LMF1: variants seen among roughly 807,000 people sequenced by gnomAD.
LMF1 encodes lipase maturation factor 1, also known as transmembrane protein 112.
LMF1 carries 68 observed loss-of-function variants against 60.6 expected under a neutral mutation model. The observed-to-expected ratio is 1.12, with a 90% CI of 0.92 to 1.37. The LOEUF (loss-of-function observed/expected upper bound fraction) is 1.37. Ranked by LOEUF, LMF1 falls within the 40% of genes most tolerant of loss-of-function variation. LMF1 has a pLI of 0.00. For synonymous variants in LMF1, 418 were observed against 324.7 expected (o/e 1.29, Z -3.09); for missense variants, 948 against 767.2 (o/e 1.24, Z -2.78).
At position 955,237 on chromosome 16, in the gene LMF1, ACG is replaced by A. The variant is rs2072658958; in HGVS notation, c.194-573_194-572del. Among the ~76,000 whole-genome samples the A allele has an allele frequency of 3.2e-5, 4 of 123,402 alleles. 2 individuals are homozygous for A. Among genetic ancestry groups the A allele is most frequent in the African/African-American group, 1.6e-4 (4 of 25,010 alleles). 81.0% of individuals were successfully genotyped at this position (123,402 alleles called of 152,430 possible). The stretch of plus-strand genomic sequence containing the variant: ...TACATAAAAGGCGTGCCTGCAGCAG[ACG>A]TGGTGTGTGCATACACACACACACA... On this transcript the variant is annotated intron_variant, in intron 1 of 10. Transcript: ENST00000262301.
intron 10 of LMF1, among the ~76,000 whole-genome samples, chr16:859,895 CGGG>C (rs2069397627): frequency 2.2e-5 from 3 of 135,600 alleles, no homozygotes; most frequent in Admixed American, 7.2e-5. Flanking sequence ...AGTGGTGTCT[CGGG>C]ATGGGTGTGC....
At chr16:956,559 A>G (rs889872729) in intron 1 of LMF1, among the ~76,000 whole-genome samples, 7 of 152,236 alleles carry the variant, frequency 4.6e-5, no homozygotes, top group Admixed American at 6.5e-5. Context: ...AAGTAGATTT[A>G]AGGGCTGGGC....
rs1258439503 is a variant in LMF1 at position 879,457 on chromosome 16, A to C, written c.897+113T>G. ...GGCTGGGGAGGACAGGCTGTCCCCA[A>C]GAAAGGGGGCCTGTAATGCCCCAGG... On this transcript the variant is annotated intron_variant, in intron 6 of 10. Coordinates refer to ENST00000262301, the MANE Select transcript of LMF1 (RefSeq NM_022773.4). 3.1e-6 allele frequency: 4 copies of C among 1,272,726 alleles called. No homozygotes were observed. In the African/African-American group the frequency reaches 6.0e-5, roughly 19 times the overall value. The allele number at this position is 1,272,726 out of a possible 1,614,324, so 78.8% of individuals were successfully genotyped here. A position where few individuals can be genotyped will look rare whatever the true frequency, so the allele number is the denominator to read the frequency against.
At chr16:856,599 C>A (rs1434325733) in intron 10 of LMF1, among the ~76,000 whole-genome samples, 1 of 152,204 alleles carries the variant, frequency 6.6e-6, no homozygotes, top group South Asian at 2.1e-4. Flanking sequence ...AGGGTCAAGG[C>A]CTAGGGGGCC....
upstream of LMF1, chr16:971,043 G>A (rs1330096810): frequency 8.7e-6 from 8 of 915,110 alleles, no homozygotes; most frequent in Non-Finnish European, 1.0e-5. Context: ...CATTCTCGGA[G>A]GCCCCGCCTC....
chr16:873,918 A>C (rs756791384), intron 6 of LMF1: 4 of 152,388 alleles, frequency 2.6e-5, no homozygotes, highest in Admixed American at 6.5e-5. Flanking sequence ...GGACAGACCC[A>C]GGGTCATGGT....
chr16:869,127 G>T, intron 9 of LMF1, 71 bp from the exon 10 acceptor site: 1 of 1,010,274 alleles, frequency 9.9e-7, no homozygotes, highest in Non-Finnish European at 1.6e-6. Context: ...CGGACGCTCG[G>T]CTGTGCCCTC....
rs377326203 is a variant in LMF1 at position 955,150 on chromosome 16, C to T, written c.194-484G>A. On this transcript the variant is annotated intron_variant, in intron 1 of 10. Transcript: ENST00000262301. Reference sequence around the variant, plus strand: ...TAAACTAGACAAGTTACATAAAATGCGTGCCTGCAGCAGACGCAGTGTGTG... The same window carrying T: ...TAAACTAGACAAGTTACATAAAATGTGTGCCTGCAGCAGACGCAGTGTGTG... Among the ~76,000 whole-genome samples, 4 of 105,692 alleles carry T rather than the reference C, an allele frequency of 3.8e-5. 1 individual carries two copies. Among genetic ancestry groups the T allele is most frequent in the Non-Finnish European group, 5.6e-5 (3 of 53,744 alleles). The allele number at this position is 105,692 out of a possible 152,430, so 69.3% of individuals were successfully genotyped here. A position where few individuals can be genotyped will look rare whatever the true frequency, so the allele number is the denominator to read the frequency against.
At chr16:933,108 T>A (rs2071838826) in intron 3 of LMF1, 1 of 152,164 alleles carries the variant, frequency 6.6e-6, no homozygotes, top group Non-Finnish European at 1.5e-5. Flanking sequence ...AAGAAAAACA[T>A]GGAAACAATG....
chr16:888,871 A>G (rs1391708565), intron 5 of LMF1, among the ~76,000 whole-genome samples: 1 of 152,222 alleles, frequency 6.6e-6, no homozygotes, highest in African/African-American at 2.4e-5. Flanking sequence ...AGCCAGTGTC[A>G]GGCAGCAGCC....
At chr16:886,290 G>A (rs1159967961) in intron 5 of LMF1, among the ~76,000 whole-genome samples, 2 of 152,120 alleles carry the variant, frequency 1.3e-5, no homozygotes, top group African/African-American at 2.4e-5. Context: ...TAGAACAGCC[G>A]TGAGCACTGC....
At chr16:868,889 G>C (rs2069689325) in intron 10 of LMF1, 55 bp downstream of exon 10, 1 of 1,149,524 alleles carries the variant, frequency 8.7e-7, no homozygotes, top group African/African-American at 1.5e-5. Flanking sequence ...TGGGATCCCA[G>C]CAGACACCTG....
At position 970,866 on chromosome 16, in the gene LMF1, C is replaced by T. The variant is rs748329854; in HGVS notation, c.115G>A (p.Gly39Ser). The change falls in exon 1 of 11, where the codon GGC (glycine) becomes AGC (serine). Residue 39 changes from glycine to serine, a missense_variant. Coordinates refer to ENST00000262301, the MANE Select transcript of LMF1 (RefSeq NM_022773.4). ...SPPAPGRGPA[G>S]SPAHLHTGTF... Reference sequence around the variant, plus strand: ...CCCGTGTGGAGATGGGCCGGAGAGCCTGCGGGGCCACGCCCCGGCGCGGGC... The same window carrying T: ...CCCGTGTGGAGATGGGCCGGAGAGCTTGCGGGGCCACGCCCCGGCGCGGGC... 1.9e-6 allele frequency: 3 copies of T among 1,564,552 alleles called. No homozygotes were observed. The highest frequency in any genetic ancestry group is 4.9e-5 in the East Asian group (2 of 41,166).
intron 3 of LMF1, among the ~76,000 whole-genome samples, chr16:932,231 G>C (rs937016066): frequency 1.3e-5 from 2 of 152,232 alleles, no homozygotes; most frequent in Non-Finnish European, 2.9e-5. Context: ...ACAGGCGGGG[G>C]CACGGGGAGG....
At chr16:913,804 C>A (rs934883164) in intron 3 of LMF1, among the ~76,000 whole-genome samples, 2 of 148,214 alleles carry the variant, frequency 1.3e-5, no homozygotes, top group African/African-American at 5.2e-5. Flanking sequence ...AGGTCTGCAG[C>A]CACCGGAGGC....
intron 1 of LMF1, among the ~76,000 whole-genome samples, chr16:959,132 G>T (rs1164960506): frequency 6.6e-6 from 1 of 152,178 alleles, no homozygotes; most frequent in Non-Finnish European, 1.5e-5. Flanking sequence ...GCTCATAGCA[G>T]CTCTGTTCAT....
intron 3 of LMF1, among the ~76,000 whole-genome samples, chr16:928,181 G>A (rs1244166267): frequency 6.6e-6 from 1 of 152,142 alleles, no homozygotes; most frequent in Non-Finnish European, 1.5e-5. Flanking sequence ...TTCATTCCTC[G>A]CACCCGCTAC....
intron 10 of LMF1, among the ~76,000 whole-genome samples, chr16:862,495 T>C (rs991241840): frequency 6.6e-6 from 1 of 152,188 alleles, no homozygotes; most frequent in Admixed American, 6.5e-5. Flanking sequence ...CTGAGGGATA[T>C]TGGCTTGTAA....
intron 2 of LMF1, among the ~76,000 whole-genome samples, chr16:942,205 T>TCTTTAGAA (rs2072117606): frequency 6.6e-6 from 1 of 152,400 alleles, no homozygotes; most frequent in African/African-American, 2.4e-5. Context: ...CAATCGTTTT[T>TCTTTAGAA]CTTTAGAACT....
Sources: allele counts gnomAD v4.1 joint callset (sites outside exome capture counted in the v4.1 genomes callset), GRCh38; gene constraint gnomAD v4.1.1; transcripts MANE v1.5; gene names NCBI Gene and HGNC (gene_info 2026-07-23, HGNC 2026-07-21).